The following ZNRF2 variants were observed in gnomAD, a reference collection of about 807,000 sequenced individuals.
The protein encoded by ZNRF2 is zinc and ring finger 2.
Under a neutral mutation model 20.4 loss-of-function variants are expected in ZNRF2, and 16 were observed. That is an observed-to-expected ratio of 0.79 (90% CI 0.53 to 1.19). The LOEUF is 1.19. Ranked by LOEUF, ZNRF2 falls within the 50% of genes most tolerant of loss-of-function variation. The pLI is 0.00. For missense variants in ZNRF2, 363 were observed against 332.4 expected (o/e 1.09, Z -0.72); for synonymous variants, 178 against 144.9 (o/e 1.23, Z -1.64).
chr7:30,330,587 T>G (rs192922890), intron 2 of ZNRF2, among the ~76,000 whole-genome samples: 6 of 152,244 alleles, frequency 3.9e-5, no homozygotes, highest in Admixed American at 3.9e-4. Context: ...AAGAGCATAT[T>G]TTTTCCCACT....
chr7:30,342,910 G>C (rs1045392238), intron 2 of ZNRF2, among the ~76,000 whole-genome samples: 1 of 151,932 alleles, frequency 6.6e-6, no homozygotes, highest in Non-Finnish European at 1.5e-5. Context: ...CCCTGGTTTT[G>C]CTATTTGTTT....
intron 1 of ZNRF2, among the ~76,000 whole-genome samples, chr7:30,306,026 ACT>A (rs1197704620): frequency 1.3e-5 from 2 of 151,950 alleles, no homozygotes; most frequent in African/African-American, 2.4e-5. Flanking sequence ...AGTCATCTAA[ACT>A]CTCTAAGCCG....
At chr7:30,361,831 TAATAA>T (rs573282557) in intron 3 of ZNRF2, among the ~76,000 whole-genome samples, 82 of 152,328 alleles carry the variant, frequency 5.4e-4, no homozygotes, top group Non-Finnish European at 8.5e-4. Context: ...ATTTAGCTTC[TAATAA>T]AATAAGATCA....
intron 2 of ZNRF2, among the ~76,000 whole-genome samples, chr7:30,338,894 A>C (rs1187368035): frequency 6.6e-6 from 1 of 152,232 alleles, no homozygotes; most frequent in South Asian, 2.1e-4. Context: ...TCCCACCAAC[A>C]GTGCAAAAGT....
chr7:30,326,486 A>G (rs988828554), intron 2 of ZNRF2, among the ~76,000 whole-genome samples: 1 of 152,172 alleles, frequency 6.6e-6, no homozygotes, highest in African/African-American at 2.4e-5. Context: ...ATGGCTGTGT[A>G]GTATTCACAC....
chr7:30,340,840 G>A (rs7803609), intron 2 of ZNRF2, among the ~76,000 whole-genome samples: 1,692 of 152,170 alleles, frequency 0.011, 29 homozygotes, highest in African/African-American at 0.038. Flanking sequence ...TTGTACCTCC[G>A]GTAGAGTTTG....
intron 2 of ZNRF2, among the ~76,000 whole-genome samples, chr7:30,339,617 C>G (rs1388766034): frequency 6.6e-6 from 1 of 151,938 alleles, no homozygotes; most frequent in Non-Finnish European, 1.5e-5. Flanking sequence ...TGTTCCATTG[C>G]TCTATATATC....
At chr7:30,347,304 G>A (rs985631863) in intron 2 of ZNRF2, among the ~76,000 whole-genome samples, 2 of 152,086 alleles carry the variant, frequency 1.3e-5, no homozygotes, top group Non-Finnish European at 2.9e-5. Context: ...CCTGTCACAC[G>A]AAGAATTTTT....
At chr7:30,310,701 T>A (rs1410803938) in intron 1 of ZNRF2, among the ~76,000 whole-genome samples, 1 of 152,206 alleles carries the variant, frequency 6.6e-6, no homozygotes, top group Non-Finnish European at 1.5e-5. Flanking sequence ...TGCAGACCTA[T>A]GTGGGGTAAA....
chr7:30,351,450 G>C (rs17158888), intron 2 of ZNRF2, among the ~76,000 whole-genome samples: 4,564 of 152,080 alleles, frequency 0.03, 172 homozygotes, highest in African/African-American at 0.089. Context: ...GCAGTTAATT[G>C]TAAGGTCGTT....
chr7:30,340,453 A>C, intron 2 of ZNRF2, among the ~76,000 whole-genome samples: 1 of 152,216 alleles, frequency 6.6e-6, no homozygotes, highest in East Asian at 1.9e-4. Context: ...TTTTAGCATG[A>C]AGGGGTGTTG....
At chr7:30,298,122 G>C (rs971291654) in intron 1 of ZNRF2, among the ~76,000 whole-genome samples, 1 of 151,996 alleles carries the variant, frequency 6.6e-6, no homozygotes, top group African/African-American at 2.4e-5. Flanking sequence ...TAAAATTTCT[G>C]AGGTCTTTAA....
At chr7:30,360,183 GCCA>G (rs1304512857) in intron 3 of ZNRF2, among the ~76,000 whole-genome samples, 11 of 152,270 alleles carry the variant, frequency 7.2e-5, no homozygotes, top group African/African-American at 2.6e-4. Context: ...AAGAGTTTCT[GCCA>G]GTTAAATCAA....
intron 1 of ZNRF2, among the ~76,000 whole-genome samples, chr7:30,305,203 T>A (rs1312053622): frequency 6.6e-6 from 1 of 152,106 alleles, no homozygotes; most frequent in African/African-American, 2.4e-5. Flanking sequence ...CAAATCAGGA[T>A]TTTTTTCCCC....
intron 2 of ZNRF2, among the ~76,000 whole-genome samples, chr7:30,348,429 A>G (rs113293969): frequency 0.011 from 1,704 of 152,302 alleles, 14 homozygotes; most frequent in South Asian, 0.036. Flanking sequence ...TAAATCTACA[A>G]GGTCCCCTGC....
intron 2 of ZNRF2, among the ~76,000 whole-genome samples, chr7:30,341,308 G>A (rs1171250365): frequency 6.6e-6 from 1 of 151,882 alleles, no homozygotes; most frequent in East Asian, 1.9e-4. Flanking sequence ...TGTTTCTCTA[G>A]TTCTTTTAAT....
At position 30,285,136 on chromosome 7, in the gene ZNRF2, G is replaced by A. The variant is rs1262590292; in HGVS notation, c.-222G>A. 1 of 417,708 alleles carries A rather than the reference G, an allele frequency of 2.4e-6. No individual in the cohort carries two copies. The highest frequency in any genetic ancestry group is 2.8e-5 in the Admixed American group (1 of 35,918). The allele number at this position is 417,708 out of a possible 1,614,324, so 25.9% of individuals were successfully genotyped here. ...GACCCCTTCCTCTCCGCGTCTCCTC[G>A]TCTCCCGCGCCCGCGTCAGGCCGTC... On this transcript the variant is annotated 5_prime_UTR_variant, in exon 1 of 5. Coordinates refer to ENST00000323037, the MANE Select transcript of ZNRF2 (RefSeq NM_147128.4).
chr7:30,344,576 C>G (rs1318916606), intron 2 of ZNRF2, among the ~76,000 whole-genome samples: 3 of 152,112 alleles, frequency 2.0e-5, no homozygotes, highest in Admixed American at 2.0e-4. Flanking sequence ...TTCCCCCCAT[C>G]CATCCTCACC....
chr7:30,337,592 A>G (rs1031623409), intron 2 of ZNRF2, among the ~76,000 whole-genome samples: 3 of 152,114 alleles, frequency 2.0e-5, no homozygotes, highest in African/African-American at 7.2e-5. Flanking sequence ...TGGAGTTGAC[A>G]TTGTCTCTGT....
Sources: gnomAD v4.1 joint callset for allele counts (sites outside exome capture counted in the v4.1 genomes callset) on GRCh38, gnomAD v4.1.1 for gene constraint, MANE v1.5 for transcripts, NCBI Gene and HGNC (gene_info 2026-07-23, HGNC 2026-07-21) for gene names.